The following PARM1 variants were observed in gnomAD, a reference collection of about 807,000 sequenced individuals.
PARM1 encodes the protein prostate androgen-regulated mucin-like protein 1.
PARM1 carries 14 observed loss-of-function variants against 24.6 expected under a neutral mutation model. The observed-to-expected ratio is 0.57, with a 90% CI of 0.38 to 0.89. PARM1 has a LOEUF of 0.89. Among genes scored for constraint, PARM1 ranks in the 40% least tolerant of loss-of-function variants. The probability of loss-of-function intolerance (pLI) is 0.00; values close to 1 mark genes in which losing one functional copy is unlikely to be tolerated. For missense variants in PARM1, 362 were observed against 380.4 expected, an observed-to-expected ratio of 0.95 and a Z score of 0.40; for synonymous variants, 179 against 156.6, an observed-to-expected ratio of 1.14 and a Z score of -1.07.
chr4:74,980,406 T>A (rs527487443), intron 1 of PARM1, among the ~76,000 whole-genome samples: 1 of 152,134 alleles, frequency 6.6e-6, no homozygotes, highest in African/African-American at 2.4e-5. Flanking sequence ...ATACAGTTAA[T>A]AAGGGAAGTG....
rs533961402 is a variant in PARM1, at chr4:75,012,494, C to T, written c.113C>T (p.Pro38Leu). The change falls in exon 2 of 4, where the codon CCG (proline) becomes CTG (leucine). Residue 38 changes from proline (P) to leucine (L), a missense_variant. Transcript: ENST00000307428. ...TCTCTTCCGACAAACATTGTACCACCGACCACCATCTGGACTAGCTCTCCA... is the reference window on the plus strand; with the variant it reads ...TCTCTTCCGACAAACATTGTACCACTGACCACCATCTGGACTAGCTCTCCA... ...SVSLPTNIVP[P>L]TTIWTSSPQN... 71 of 1,613,832 alleles carry T rather than the reference C, an allele frequency of 4.4e-5. 1 individual carries two copies. The East Asian group carries it at 5.1e-4, about 12-fold the overall frequency.
chr4:74,949,238 C>T (rs145918891), intron 1 of PARM1, among the ~76,000 whole-genome samples: 39 of 152,280 alleles, frequency 2.6e-4, no homozygotes, highest in African/African-American at 7.0e-4. Context: ...AGAAAACCCA[C>T]GTTTCCTCTG....
chr4:74,996,862 A>C (rs954399527), intron 1 of PARM1, among the ~76,000 whole-genome samples: 2 of 152,216 alleles, frequency 1.3e-5, no homozygotes, highest in African/African-American at 4.8e-5. Context: ...TATGGTGCTC[A>C]TACTTGCTTA....
chr4:75,010,561 C>T (rs1722852036), intron 1 of PARM1, among the ~76,000 whole-genome samples: 2 of 152,104 alleles, frequency 1.3e-5, no homozygotes, highest in African/African-American at 4.8e-5. Flanking sequence ...AAATAGACAA[C>T]AGGCTAGAGT....
intron 1 of PARM1, among the ~76,000 whole-genome samples, chr4:74,973,194 T>C (rs1387230840): frequency 6.6e-6 from 1 of 152,218 alleles, no homozygotes; most frequent in Admixed American, 6.5e-5. Flanking sequence ...TTTTTGATTT[T>C]GTTCTTCAGT....
At chr4:74,962,951 G>C (rs1721808520) in intron 1 of PARM1, among the ~76,000 whole-genome samples, 1 of 152,152 alleles carries the variant, frequency 6.6e-6, no homozygotes, top group Admixed American at 6.5e-5. Context: ...ACAGGTGAAG[G>C]TAATCAGATC....
intron 1 of PARM1, among the ~76,000 whole-genome samples, chr4:74,973,380 G>T (rs1055180635): frequency 1.3e-5 from 2 of 152,104 alleles, no homozygotes; most frequent in Non-Finnish European, 2.9e-5. Context: ...AAGAATAAAT[G>T]ATCTCAGCAT....
chr4:74,966,563 C>A (rs1721905634), intron 1 of PARM1, among the ~76,000 whole-genome samples: 1 of 152,132 alleles, frequency 6.6e-6, no homozygotes, highest in African/African-American at 2.4e-5. Context: ...TGGCAGAATT[C>A]TTGCTGAGAC....
chr4:74,946,959 T>C lies in PARM1; in HGVS notation c.43+13589T>C, dbSNP rs1721422599. Among the ~76,000 whole-genome samples the C allele has an allele frequency of 2.0e-5, 3 of 152,226 alleles. No homozygotes were observed. In the South Asian group the frequency reaches 6.2e-4, roughly 31 times the overall value. On this transcript the variant is annotated intron_variant, in intron 1 of 3. Coordinates refer to ENST00000307428, the MANE Select transcript of PARM1 (RefSeq NM_015393.4). ...TGCGTTTATTTTGTGAAGTGTACCATTGAGTGACCAAATATTAGATGATGG... is the reference window on the plus strand; with the variant it reads ...TGCGTTTATTTTGTGAAGTGTACCACTGAGTGACCAAATATTAGATGATGG...
chr4:74,982,253 A>G (rs1316874892), intron 1 of PARM1, among the ~76,000 whole-genome samples: 1 of 152,178 alleles, frequency 6.6e-6, no homozygotes, highest in East Asian at 1.9e-4. Context: ...ATGTGAACAC[A>G]TAGACACAGG....
chr4:74,947,263 A>G (rs923510873), intron 1 of PARM1, among the ~76,000 whole-genome samples: 19 of 152,212 alleles, frequency 1.2e-4, no homozygotes, highest in African/African-American at 4.3e-4. Flanking sequence ...ACTGGGGAAG[A>G]TGTTAAATAA....
intron 2 of PARM1, among the ~76,000 whole-genome samples, chr4:75,014,561 C>T (rs577090182): frequency 6.6e-6 from 1 of 152,220 alleles, no homozygotes; most frequent in African/African-American, 2.4e-5. Context: ...AGGGACACAA[C>T]AATCTCAAGG....
In PARM1 at chr4:74,984,290, A is replaced by T. The variant is rs187488147; in HGVS notation, c.44-28135A>T. Reference sequence around the variant, plus strand: ...TATACACCAAACCTGTACTTCACTAAATGGTAACTTAATGACCTGAAGCAG... The same window carrying T: ...TATACACCAAACCTGTACTTCACTATATGGTAACTTAATGACCTGAAGCAG... On this transcript the variant is annotated intron_variant, in intron 1 of 3. Coordinates refer to ENST00000307428, the MANE Select transcript of PARM1 (RefSeq NM_015393.4). Among the ~76,000 whole-genome samples the T allele has an allele frequency of 3.3e-3, 508 of 152,350 alleles. 6 individuals are homozygous for T. Among genetic ancestry groups the T allele is most frequent in the African/African-American group, 0.011 (473 of 41,586 alleles).
At chr4:75,015,601 A>G (rs1578051617) in intron 2 of PARM1, among the ~76,000 whole-genome samples, 2 of 152,372 alleles carry the variant, frequency 1.3e-5, no homozygotes, top group Middle Eastern at 3.4e-3. Flanking sequence ...GAGAGAAAGG[A>G]CACAGGACAA....
chr4:74,967,545 A>T (rs2109992909), intron 1 of PARM1: 2 of 152,340 alleles, frequency 1.3e-5, no homozygotes, highest in South Asian at 4.1e-4. Context: ...GAAGGCTTAT[A>T]GTGGCACATC....
intron 1 of PARM1, among the ~76,000 whole-genome samples, chr4:75,012,191 C>A (rs1722883036): frequency 6.6e-6 from 1 of 152,174 alleles, no homozygotes; most frequent in African/African-American, 2.4e-5. Context: ...CTTGAGTTGA[C>A]AGTCCTACTA....
At chr4:74,944,666 T>C (rs1721377112) in intron 1 of PARM1, among the ~76,000 whole-genome samples, 1 of 152,096 alleles carries the variant, frequency 6.6e-6, no homozygotes, top group African/African-American at 2.4e-5. Flanking sequence ...ATGCCTCCCA[T>C]CTCAAAGACA....
At chr4:75,005,979 G>C (rs145422134) in intron 1 of PARM1, among the ~76,000 whole-genome samples, 1 of 152,230 alleles carries the variant, frequency 6.6e-6, no homozygotes, top group African/African-American at 2.4e-5. Context: ...ACCATCTCTG[G>C]CAATGTCACT....
chr4:74,958,102 TG>T (rs1260796663), intron 1 of PARM1, among the ~76,000 whole-genome samples: 2 of 152,178 alleles, frequency 1.3e-5, no homozygotes, highest in Non-Finnish European at 1.5e-5. Context: ...CTGAAGGTGG[TG>T]GAGCTCTCTG....
Sources: allele counts gnomAD v4.1 joint callset (sites outside exome capture counted in the v4.1 genomes callset), GRCh38; gene constraint gnomAD v4.1.1; transcripts MANE v1.5; gene names NCBI Gene and HGNC (gene_info 2026-07-23, HGNC 2026-07-21).